Variants in PXDNL observed in about 807,000 individuals in gnomAD.
The protein encoded by PXDNL is peroxidasin like, also known as probable oxidoreductase PXDNL.
Under a neutral mutation model 150.8 loss-of-function variants are expected in PXDNL, and 145 were observed. That is an observed-to-expected ratio of 0.96 (90% CI 0.84 to 1.10). The LOEUF is 1.10. PXDNL is among the 50% of genes least tolerant of loss of function. The probability of loss-of-function intolerance (pLI) is 0.00; values close to 1 mark genes in which losing one functional copy is unlikely to be tolerated. For synonymous variants in PXDNL, 757 were observed against 725.7 expected, an observed-to-expected ratio of 1.04 and a Z score of -0.69; for missense variants, 2,087 against 1,873.9, an observed-to-expected ratio of 1.11 and a Z score of -2.10.
chr8:51,575,038 T>C (rs1813020236), intron 3 of PXDNL, among the ~76,000 whole-genome samples: 1 of 152,078 alleles, frequency 6.6e-6, no homozygotes, highest in Admixed American at 6.6e-5. Context: ...AAATTATGGT[T>C]GATAACTGAA....
At chr8:51,740,277 T>C (rs528080449) in intron 1 of PXDNL, among the ~76,000 whole-genome samples, 1 of 152,356 alleles carries the variant, frequency 6.6e-6, no homozygotes, top group South Asian at 2.1e-4. Flanking sequence ...GTGTGAATAG[T>C]GCTGCAAAGA....
intron 4 of PXDNL, among the ~76,000 whole-genome samples, chr8:51,536,931 C>A (rs1242123886): frequency 6.6e-6 from 1 of 152,176 alleles, no homozygotes; most frequent in Non-Finnish European, 1.5e-5. Context: ...TATAAAAATC[C>A]ATTTAAAGCC....
At chr8:51,398,279 C>T (rs1312954936) in intron 17 of PXDNL, among the ~76,000 whole-genome samples, 2 of 152,214 alleles carry the variant, frequency 1.3e-5, no homozygotes, top group Non-Finnish European at 2.9e-5. Flanking sequence ...CTCGAGGCTG[C>T]CATCCCAGTT....
At chr8:51,453,968 T>C (rs1809870203) in intron 9 of PXDNL, among the ~76,000 whole-genome samples, 183 bp from the exon 10 acceptor site, 1 of 152,230 alleles carries the variant, frequency 6.6e-6, no homozygotes, top group African/African-American at 2.4e-5. Flanking sequence ...GAAATGTGGA[T>C]TTGCTGTAAG....
Position 51,476,824 on chromosome 8 carries a change from A to C in PXDNL, c.525-1683T>G, listed in dbSNP as rs568844201. Among the ~76,000 whole-genome samples the C allele has an allele frequency of 8.5e-5, 13 of 152,366 alleles. No individual in the cohort carries two copies. The South Asian group carries it at 2.5e-3, about 29-fold the overall frequency. ...TTTTATGATAGGTGTTAGATTGCTT[A>C]TACCTGATTGTAAGAAGTAGTGTCC... On this transcript the variant is annotated intron_variant, in intron 6 of 22. Coordinates refer to ENST00000356297, the MANE Select transcript of PXDNL (RefSeq NM_144651.5).
chr8:51,412,758 A>G (rs1808687459), intron 15 of PXDNL, among the ~76,000 whole-genome samples: 1 of 152,240 alleles, frequency 6.6e-6, no homozygotes, highest in African/African-American at 2.4e-5. Context: ...AATGCCAAAT[A>G]TCCTAAACAT....
At chr8:51,683,331 A>C (rs1028071956) in intron 1 of PXDNL, among the ~76,000 whole-genome samples, 16 of 150,900 alleles carry the variant, frequency 1.1e-4, no homozygotes, top group Non-Finnish European at 1.5e-4. Context: ...TAGTGACATT[A>C]AGCGATTTTT....
At chr8:51,507,906 C>T (rs1811326839) in intron 4 of PXDNL, among the ~76,000 whole-genome samples, 1 of 152,184 alleles carries the variant, frequency 6.6e-6, no homozygotes, top group Non-Finnish European at 1.5e-5. Flanking sequence ...TGAGCTACAG[C>T]CTGCTTTATT....
chr8:51,782,975 C>T (rs1355851259), intron 1 of PXDNL, among the ~76,000 whole-genome samples: 1 of 152,194 alleles, frequency 6.6e-6, no homozygotes, highest in Non-Finnish European at 1.5e-5. Flanking sequence ...AAGTGTACAG[C>T]ATTCATGCAT....
intron 1 of PXDNL, among the ~76,000 whole-genome samples, chr8:51,657,832 T>A (rs1815183149): frequency 6.6e-6 from 1 of 152,224 alleles, no homozygotes; most frequent in Non-Finnish European, 1.5e-5. Flanking sequence ...AGGTGCTATA[T>A]GTATCTATTA....
rs1814285148 is a variant in PXDNL, at chr8:51,622,883, T to A, written c.237-30185A>T. 4.6e-5 allele frequency among the ~76,000 whole-genome samples: 7 copies of A among 152,334 alleles called. No homozygotes were observed. In the South Asian group the frequency reaches 1.5e-3, roughly 32 times the overall value. On this transcript the variant is annotated intron_variant, in intron 2 of 22. Transcript: ENST00000356297. ...TGCCTGCCCACTGGGCCACACTTGC[T>A]GGGCCCAGCTCACCCCAACATGGAA... is the stretch of plus-strand genomic sequence containing the variant.
At position 51,637,813 on chromosome 8, in the gene PXDNL, A is replaced by G. The variant is rs551358848; in HGVS notation, c.236+16876T>C. Among the ~76,000 whole-genome samples, 70 of 152,328 alleles carry G rather than the reference A, an allele frequency of 4.6e-4. No individual in the cohort carries two copies. In the Middle Eastern group the frequency reaches 0.01, roughly 22 times the overall value. On this transcript the variant is annotated intron_variant, in intron 2 of 22. Coordinates refer to ENST00000356297, the MANE Select transcript of PXDNL (RefSeq NM_144651.5). ...TCCAGGAGAACTTCCCCAACATAGCAAGGCAGGCCAACATTCAAATTCAGG... is the reference window on the plus strand; with the variant it reads ...TCCAGGAGAACTTCCCCAACATAGCGAGGCAGGCCAACATTCAAATTCAGG...
At chr8:51,668,198 CAG>C (rs1815429491) in intron 1 of PXDNL, among the ~76,000 whole-genome samples, 2 of 1,618 alleles carry the variant, frequency 1.2e-3, no homozygotes, top group Admixed American at 4.5e-3. Context: ...TTTTTTGAGA[CAG>C]AGTCTCACTC....
chr8:51,404,861 C>T (rs1428556098), intron 17 of PXDNL, among the ~76,000 whole-genome samples: 1 of 152,164 alleles, frequency 6.6e-6, no homozygotes, highest in East Asian at 1.9e-4. Flanking sequence ...GACTGGGTGC[C>T]CCAGAGCAGG....
At chr8:51,638,209 A>G (rs563658299) in intron 2 of PXDNL, among the ~76,000 whole-genome samples, 57 of 152,338 alleles carry the variant, frequency 3.7e-4, no homozygotes, top group African/African-American at 1.3e-3. Flanking sequence ...AGCACTAAAC[A>G]TGGAAAGGAA....
At chr8:51,387,945 CT>C (rs2130828897) in intron 17 of PXDNL, among the ~76,000 whole-genome samples, 1 of 152,234 alleles carries the variant, frequency 6.6e-6, no homozygotes, top group African/African-American at 2.4e-5. Context: ...CATGATTTGA[CT>C]GACAAGCATT....
At chr8:51,608,037 GA>G (rs759916526) in intron 2 of PXDNL, among the ~76,000 whole-genome samples, 10,149 of 130,506 alleles carry the variant, frequency 0.078, 594 homozygotes, top group Non-Finnish European at 0.086. Flanking sequence ...AAGAAAGAAA[GA>G]AAGAAAGAAA....
At chr8:51,678,929 T>C (rs889052342) in intron 1 of PXDNL, among the ~76,000 whole-genome samples, 10 of 152,220 alleles carry the variant, frequency 6.6e-5, no homozygotes, top group African/African-American at 2.2e-4. Context: ...AAACTCAATC[T>C]ATCAGCATTT....
intron 12 of PXDNL, among the ~76,000 whole-genome samples, chr8:51,430,977 C>T (rs182743577): frequency 6.6e-6 from 1 of 152,230 alleles, no homozygotes; most frequent in East Asian, 1.9e-4. Flanking sequence ...TTGGAATACC[C>T]TTCTCCTACA....
Sources: gnomAD v4.1 joint callset for allele counts (sites outside exome capture counted in the v4.1 genomes callset) on GRCh38, gnomAD v4.1.1 for gene constraint, MANE v1.5 for transcripts, NCBI Gene and HGNC (gene_info 2026-07-23, HGNC 2026-07-21) for gene names.